The following KLHL7 variants were observed in gnomAD, a reference collection of about 807,000 sequenced individuals.
KLHL7 encodes kelch like family member 7.
In KLHL7, 44 loss-of-function variants were observed where a neutral mutation model predicts 67.4. That is an observed-to-expected ratio of 0.65 (90% CI 0.51 to 0.84). The LOEUF (loss-of-function observed/expected upper bound fraction) is 0.84. Among genes scored for constraint, KLHL7 ranks in the 40% least tolerant of loss-of-function variants. The probability of loss-of-function intolerance (pLI) is 0.00; values close to 1 mark genes in which losing one functional copy is unlikely to be tolerated. For synonymous variants in KLHL7, 252 were observed against 243.3 expected, an observed-to-expected ratio of 1.04 and a Z score of -0.33; for missense variants, 362 against 718.1, an observed-to-expected ratio of 0.50 and a Z score of 5.67.
Position 23,174,032 on chromosome 7 carries a change from G to C in KLHL7, c.1495G>C (p.Glu499Gln). 1 of 1,614,106 alleles carries C rather than the reference G, an allele frequency of 6.2e-7. No homozygotes were observed. Among genetic ancestry groups the C allele is most frequent in the East Asian group, 2.2e-5 (1 of 44,880 alleles). ...QNGLGGLDNV[E>Q]YYDIKLNEWK... ...TTTTGAAGGTGGTCTGGACAATGTGGAATATTACGATATTAAGTTGAACGA... is the reference window on the plus strand; with the variant it reads ...TTTTGAAGGTGGTCTGGACAATGTGCAATATTACGATATTAAGTTGAACGA... The change falls in exon 11 of 11, where the codon GAA (glutamate) becomes CAA (glutamine). Residue 499 changes from glutamate (E) to glutamine (Q), a missense_variant. Coordinates refer to ENST00000339077, the MANE Select transcript of KLHL7 (RefSeq NM_001031710.3).
chr7:23,129,509 G>T, intron 4 of KLHL7: 1 of 264,186 alleles, frequency 3.8e-6, no homozygotes, highest in Non-Finnish European at 7.5e-6. Context: ...TGATTAACTT[G>T]TATGTGCCCT....
chr7:23,105,844 G>A lies in KLHL7; in HGVS notation c.-183G>A. The A allele has an allele frequency of 2.3e-6, 2 of 887,918 alleles. No homozygotes were observed. Among genetic ancestry groups the A allele is most frequent in the East Asian group, 2.7e-5 (1 of 36,686 alleles). 55.0% of individuals were successfully genotyped at this position (887,918 alleles called of 1,614,324 possible). The stretch of plus-strand genomic sequence containing the variant: ...GTCGCTCCCTGAGCGTTTCTAAGGG[G>A]GCCGCCCGGCCTTGTCTTTCGGCAG... On this transcript the variant is annotated 5_prime_UTR_variant, in exon 1 of 11. Coordinates refer to ENST00000339077, the MANE Select transcript of KLHL7 (RefSeq NM_001031710.3).
At chr7:23,167,137 G>GA (rs546148986) in intron 8 of KLHL7, among the ~76,000 whole-genome samples, 18 of 144,226 alleles carry the variant, frequency 1.2e-4, no homozygotes, top group Admixed American at 2.1e-4. Flanking sequence ...CCTTGGGAAG[G>GA]AAAAAAAAAA....
At chr7:23,167,220 A>C (rs576442293) in intron 8 of KLHL7, among the ~76,000 whole-genome samples, 1 of 152,136 alleles carries the variant, frequency 6.6e-6, no homozygotes, top group African/African-American at 2.4e-5. Flanking sequence ...GTTTCAAAAC[A>C]TGATGAATGT....
At chr7:23,161,804 TA>T (rs1239297571) in intron 7 of KLHL7, among the ~76,000 whole-genome samples, 3 of 152,204 alleles carry the variant, frequency 2.0e-5, no homozygotes, top group African/African-American at 7.2e-5. Context: ...AGGGTGGCCC[TA>T]ATGGATGATA....
rs959582051 is a variant in KLHL7 at position 23,174,993 on chromosome 7, A to T, written c.*695A>T. On this transcript the variant is annotated 3_prime_UTR_variant, in exon 11 of 11. Coordinates refer to ENST00000339077, the MANE Select transcript of KLHL7 (RefSeq NM_001031710.3). The stretch of plus-strand genomic sequence containing the variant: ...CATCATTAATTTATGTCTCTGTTTT[A>T]TCCAGTGGTTAAAAAAGGATTCTGC... 11 of 449,394 alleles carry T rather than the reference A, an allele frequency of 2.4e-5. No homozygotes were observed. Among genetic ancestry groups the T allele is most frequent in the Non-Finnish European group, 4.9e-5 (11 of 224,420 alleles). 27.8% of individuals were successfully genotyped at this position (449,394 alleles called of 1,614,324 possible).
chr7:23,117,336 C>G (rs1206687600), intron 1 of KLHL7, among the ~76,000 whole-genome samples: 1 of 152,068 alleles, frequency 6.6e-6, no homozygotes, highest in African/African-American at 2.4e-5. Flanking sequence ...GATCCACATG[C>G]CTTGGCTCCC....
intron 4 of KLHL7, among the ~76,000 whole-genome samples, chr7:23,134,755 G>A (rs1472821689): frequency 1.3e-5 from 2 of 152,062 alleles, no homozygotes; most frequent in East Asian, 3.8e-4. Context: ...GTTGCTCGTA[G>A]TAACTGTTAC....
intron 7 of KLHL7, chr7:23,155,918 G>A (rs967452594): frequency 1.5e-5 from 5 of 331,740 alleles, no homozygotes; most frequent in Admixed American, 4.5e-5. Context: ...TAAGGCAAAT[G>A]TGGGATGACT....
At chr7:23,143,630 A>G (rs895567342) in intron 5 of KLHL7, among the ~76,000 whole-genome samples, 4 of 152,062 alleles carry the variant, frequency 2.6e-5, no homozygotes, top group Non-Finnish European at 4.4e-5. Context: ...TCATTACACT[A>G]CATAATAGTA....
chr7:23,130,270 A>C (rs578243244), intron 4 of KLHL7, among the ~76,000 whole-genome samples: 8 of 152,336 alleles, frequency 5.3e-5, no homozygotes, highest in African/African-American at 1.7e-4. Context: ...ATATCTCATA[A>C]GTTTTTGCAT....
At chr7:23,141,382 G>C (rs1335495412) in intron 5 of KLHL7, among the ~76,000 whole-genome samples, 1 of 152,234 alleles carries the variant, frequency 6.6e-6, no homozygotes, top group South Asian at 2.1e-4. Flanking sequence ...ACTGGTCATT[G>C]CTGTCTTTGA....
At chr7:23,107,397 A>G (rs1277664557) in intron 1 of KLHL7, among the ~76,000 whole-genome samples, 1 of 152,328 alleles carries the variant, frequency 6.6e-6, no homozygotes, top group Non-Finnish European at 1.5e-5. Flanking sequence ...TGGTAGTTGA[A>G]CATAGTTAAC....
intron 9 of KLHL7, chr7:23,172,188 GGA>G (rs1562595049): frequency 4.4e-6 from 2 of 456,248 alleles, no homozygotes; most frequent in Admixed American, 4.7e-5. Flanking sequence ...GTCAGTCTTG[GGA>G]GTGTATGCAG....
chr7:23,156,131 T>C (rs1050328829), intron 7 of KLHL7: 1 of 333,810 alleles, frequency 3.0e-6, no homozygotes, highest in Non-Finnish European at 6.0e-6. Flanking sequence ...ATTTAAATAA[T>C]TGAGGAATGA....
chr7:23,106,921 A>G (rs1782668533), intron 1 of KLHL7: 2 of 624,622 alleles, frequency 3.2e-6, no homozygotes, highest in East Asian at 2.8e-4. Flanking sequence ...TGTAAGCTTT[A>G]TTTATAGATA....
intron 1 of KLHL7, among the ~76,000 whole-genome samples, chr7:23,111,320 C>G (rs1327180942): frequency 4.6e-5 from 7 of 152,168 alleles, no homozygotes; most frequent in African/African-American, 1.2e-4. Flanking sequence ...ATGGCAAGTT[C>G]GAGACTGATT....
intron 1 of KLHL7, chr7:23,106,733 G>C: frequency 2.0e-6 from 2 of 992,338 alleles, no homozygotes; most frequent in Non-Finnish European, 2.4e-6. Flanking sequence ...ATTAAGAGGA[G>C]CTCTTTGTTC....
intron 4 of KLHL7, among the ~76,000 whole-genome samples, chr7:23,131,733 CTT>C (rs59719158): frequency 0.45 from 55,885 of 124,810 alleles, 13,273 homozygotes; most frequent in African/African-American, 0.74. Context: ...CTTATTTATT[CTT>C]TTTTTTTTTT....
Sources: gnomAD v4.1 joint callset for allele counts (sites outside exome capture counted in the v4.1 genomes callset) on GRCh38, gnomAD v4.1.1 for gene constraint, MANE v1.5 for transcripts, NCBI Gene and HGNC (gene_info 2026-07-23, HGNC 2026-07-21) for gene names.